MAP4K4: variants seen among roughly 807,000 people sequenced by gnomAD.
The protein encoded by MAP4K4 is mitogen-activated protein kinase kinase kinase kinase 4, also known as HPK/GCK-like kinase HGK.
A neutral mutation model predicts 189.6 loss-of-function variants in MAP4K4; 38 were observed. That is an observed-to-expected ratio of 0.20 (90% confidence interval 0.15 to 0.26). The LOEUF (loss-of-function observed/expected upper bound fraction) is 0.26. Among genes scored for constraint, MAP4K4 ranks in the 10% least tolerant of loss-of-function variants. The pLI is 1.00. For synonymous variants in MAP4K4, 610 were observed against 624.3 expected, an observed-to-expected ratio of 0.98 and a Z score of 0.34; for missense variants, 1,054 against 1,726.9, an observed-to-expected ratio of 0.61 and a Z score of 6.91.
intron 2 of MAP4K4, among the ~76,000 whole-genome samples, chr2:101,776,979 A>C (rs961359993): frequency 2.0e-5 from 3 of 151,828 alleles, no homozygotes; most frequent in African/African-American, 7.3e-5. Context: ...AAGGCGGGAG[A>C]CTTTGCTTTC....
At chr2:101,700,846 C>T (rs2038147851) in intron 2 of MAP4K4, among the ~76,000 whole-genome samples, 1 of 149,702 alleles carries the variant, frequency 6.7e-6, no homozygotes, top group Non-Finnish European at 1.5e-5. Context: ...GAACTTCAAT[C>T]TTAGAAGTGG....
chr2:101,838,874 A>G (rs1017297892), intron 9 of MAP4K4, among the ~76,000 whole-genome samples: 5 of 152,260 alleles, frequency 3.3e-5, no homozygotes, highest in African/African-American at 1.2e-4. Context: ...CATTCATTCA[A>G]CAAAAATTTA....
At chr2:101,704,927 C>T (rs1209045311) in intron 2 of MAP4K4, among the ~76,000 whole-genome samples, 7 of 152,126 alleles carry the variant, frequency 4.6e-5, no homozygotes, top group African/African-American at 1.7e-4. Flanking sequence ...TCACTGCTCA[C>T]CAAACAGAAT....
chr2:101,870,363 A>G (rs2097949678), exon 23 of MAP4K4: 1 of 1,613,618 alleles, frequency 6.2e-7, no homozygotes, highest in African/African-American at 1.3e-5. Flanking sequence ...GATGATGTAG[A>G]AAGTGAGCCG....
At chr2:101,756,772 G>C (rs1574986071) in intron 2 of MAP4K4, among the ~76,000 whole-genome samples, 1 of 119,972 alleles carries the variant, frequency 8.3e-6, no homozygotes, top group Non-Finnish European at 1.7e-5. Flanking sequence ...TCAACATGTT[G>C]TCCAGGGTGG....
chr2:101,737,793 A>G (rs950850188), intron 2 of MAP4K4, among the ~76,000 whole-genome samples: 1 of 151,978 alleles, frequency 6.6e-6, no homozygotes, highest in Non-Finnish European at 1.5e-5. Flanking sequence ...CAGGGTCCAG[A>G]TTCTGCCTTT....
chr2:101,708,875 G>A (rs187899672), intron 2 of MAP4K4, among the ~76,000 whole-genome samples: 1 of 152,304 alleles, frequency 6.6e-6, no homozygotes, highest in Non-Finnish European at 1.5e-5. Flanking sequence ...ATGGTCGCCT[G>A]TGTTTAATGT....
intron 2 of MAP4K4, among the ~76,000 whole-genome samples, chr2:101,724,009 C>T (rs2053768555): frequency 6.6e-6 from 1 of 152,180 alleles, no homozygotes; most frequent in Non-Finnish European, 1.5e-5. Flanking sequence ...GATGACTAGC[C>T]AGATAGTGAA....
rs1559345372 is a variant in MAP4K4, at chr2:101,887,083, T to G, written c.3622-5T>G. The G allele has an allele frequency of 6.5e-7, 1 of 1,544,508 alleles. No homozygotes were observed. Among genetic ancestry groups the G allele is most frequent in the Admixed American group, 2.2e-5 (1 of 45,532 alleles). On this transcript the variant is annotated splice_polypyrimidine_tract_variant and splice_region_variant and intron_variant, in intron 29 of 32. Coordinates refer to ENST00000324219, the Ensembl canonical transcript of MAP4K4. Reference sequence around the variant, plus strand: ...CTTCTCACTTCTCTTATGGCTTCTTTGCAGTCATTTGGAGAATTGGTACAT... The same window carrying G: ...CTTCTCACTTCTCTTATGGCTTCTTGGCAGTCATTTGGAGAATTGGTACAT...
intron 32 of MAP4K4, 121 bp from the exon 33 acceptor site, chr2:101,891,045 C>T (rs1360928331): frequency 5.3e-6 from 4 of 757,292 alleles, no homozygotes; most frequent in Non-Finnish European, 9.1e-6. Context: ...TTTGAAAAGG[C>T]TCTTTGGGAG....
chr2:101,888,990 G>C, intron 32 of MAP4K4, 55 bp downstream of exon 32: 1 of 1,420,940 alleles, frequency 7.0e-7, no homozygotes, highest in Admixed American at 2.3e-5. Flanking sequence ...ATAATGGCTT[G>C]TTTTCCATGG....
At chr2:101,859,031 G>A (rs1469176845) in exon 14 of MAP4K4, 10 of 1,612,764 alleles carry the variant, frequency 6.2e-6, no homozygotes, top group Non-Finnish European at 8.5e-6. Context: ...AGGAGCAGCG[G>A]CACTTGGAAG....
At chr2:101,843,024 A>G (rs2096967883) in intron 11 of MAP4K4, among the ~76,000 whole-genome samples, 1 of 152,158 alleles carries the variant, frequency 6.6e-6, no homozygotes, top group African/African-American at 2.4e-5. Flanking sequence ...GGTATATAGA[A>G]CATGGCTACA....
intron 17 of MAP4K4, 55 bp from the exon 18 acceptor site, chr2:101,864,874 AT>A (rs1286057674): frequency 5.2e-5 from 60 of 1,160,938 alleles, no homozygotes; most frequent in East Asian, 1.0e-4. Flanking sequence ...GTAGGGAAGT[AT>A]TTTTTTTCCT....
intron 3 of MAP4K4, among the ~76,000 whole-genome samples, chr2:101,810,375 A>AT (rs1454037607): frequency 1.3e-5 from 2 of 152,162 alleles, no homozygotes; most frequent in Non-Finnish European, 2.9e-5. Context: ...TTTGCATTAT[A>AT]TATTATGAAT....
intron 26 of MAP4K4, among the ~76,000 whole-genome samples, chr2:101,875,802 A>C (rs1418027741): frequency 6.6e-6 from 1 of 152,220 alleles, no homozygotes; most frequent in East Asian, 1.9e-4. Context: ...ATGAATGATC[A>C]AGAGGGAGAA....
intron 3 of MAP4K4, among the ~76,000 whole-genome samples, chr2:101,792,597 T>C (rs951384029): frequency 1.9e-4 from 27 of 144,900 alleles, no homozygotes; most frequent in African/African-American, 3.6e-4. Flanking sequence ...TTCTCCTCCT[T>C]CTCCTCCTCC....
At chr2:101,801,812 A>G (rs1487941815) in intron 3 of MAP4K4, among the ~76,000 whole-genome samples, 3 of 152,120 alleles carry the variant, frequency 2.0e-5, no homozygotes, top group African/African-American at 4.8e-5. Flanking sequence ...CCTAAACTCA[A>G]CATGTCTCAT....
chr2:101,736,928 A>G (rs1470712115), intron 2 of MAP4K4, among the ~76,000 whole-genome samples: 2 of 152,106 alleles, frequency 1.3e-5, no homozygotes, highest in African/African-American at 2.4e-5. Context: ...TTCCTCCCTC[A>G]TTCCTTCCTT....
Sources: gnomAD v4.1 joint callset for allele counts (sites outside exome capture counted in the v4.1 genomes callset) on GRCh38, gnomAD v4.1.1 for gene constraint, MANE v1.5 for transcripts, NCBI Gene and HGNC (gene_info 2026-07-23, HGNC 2026-07-21) for gene names.